Variants in UPRT observed in about 807,000 individuals in gnomAD.
UPRT encodes the protein RP11-311P8.3.
A neutral mutation model predicts 22.6 loss-of-function variants in UPRT; 5 were observed. The observed-to-expected ratio is 0.22, with a 90% CI of 0.12 to 0.47. UPRT has a LOEUF of 0.47. UPRT is among the 20% of genes least tolerant of loss of function. The pLI, the probability that UPRT is intolerant of heterozygous loss-of-function variation, is 0.99. For synonymous variants in UPRT, 77 were observed against 87.7 expected (o/e 0.88, Z 0.68); for missense variants, 181 against 239.9 (o/e 0.75, Z 1.62).
intron 4 of UPRT, among the ~76,000 whole-genome samples, chrX:75,242,335 A>T (rs997667066): frequency 3.6e-5 from 4 of 111,159 alleles, no homozygotes; most frequent in African/African-American, 1.3e-4. Flanking sequence ...AGCTTAGTGC[A>T]AAAAGATACT....
intron 1 of UPRT, among the ~76,000 whole-genome samples, chrX:75,285,790 G>A (rs1206674734): frequency 9.1e-6 from 1 of 110,034 alleles, no homozygotes; most frequent in Non-Finnish European, 1.9e-5. Context: ...TTAAGAAGGC[G>A]CTAAAGTGCT....
intron 4 of UPRT, among the ~76,000 whole-genome samples, chrX:75,196,254 C>A (rs1364712196): frequency 8.9e-6 from 1 of 112,268 alleles, no homozygotes; most frequent in Non-Finnish European, 1.9e-5. Context: ...CAGCTTTGAA[C>A]TCCTGGGCTC....
chrX:75,232,385 G>A (rs1425085297), intron 4 of UPRT, among the ~76,000 whole-genome samples: 1 of 112,657 alleles, frequency 8.9e-6, no homozygotes, highest in Non-Finnish European at 1.9e-5. Flanking sequence ...CATTGCCCAG[G>A]CTTGCTTAGG....
upstream of UPRT, among the ~76,000 whole-genome samples, chrX:75,272,434 G>A (rs6647678): frequency 0.12 from 12,727 of 102,929 alleles, 1,519 homozygotes; most frequent in East Asian, 0.9. Flanking sequence ...CTTTTGCAGC[G>A]ACCTGGATGA....
intron 6 of UPRT, 78 bp from the exon 7 acceptor site, chrX:75,303,327 G>T: frequency 2.8e-6 from 2 of 714,491 alleles, no homozygotes; most frequent in South Asian, 4.8e-5. Context: ...TAGACCTAGT[G>T]GCAATAACTA....
At chrX:75,187,523 G>A (rs897396347) in intron 4 of UPRT, among the ~76,000 whole-genome samples, 16 of 111,256 alleles carry the variant, frequency 1.4e-4, no homozygotes, top group East Asian at 2.8e-4. Context: ...TTCTCGAGGA[G>A]TATCTTTGTG....
At chrX:75,293,625 T>A in intron 2 of UPRT, 111 bp downstream of exon 2, 1 of 757,285 alleles carries the variant, frequency 1.3e-6, no homozygotes, top group Non-Finnish European at 1.9e-6. Flanking sequence ...GAGATTGTAC[T>A]AAGTAACCAT....
chrX:75,202,969 G>A (rs923016180), intron 4 of UPRT, among the ~76,000 whole-genome samples: 1 of 111,557 alleles, frequency 9.0e-6, no homozygotes, highest in Non-Finnish European at 1.9e-5. Flanking sequence ...AAATGTAAAT[G>A]GACTGAATGC....
chrX:75,227,812 A>G (rs1223290729), intron 4 of UPRT, among the ~76,000 whole-genome samples: 1 of 112,763 alleles, frequency 8.9e-6, no homozygotes, highest in East Asian at 2.8e-4. Flanking sequence ...TTCTAACTTC[A>G]TTTTAACAAA....
Position 75,283,688 on chromosome X carries a change from A to G in UPRT, c.386+9048A>G, listed in dbSNP as rs1316042914. Among the ~76,000 whole-genome samples the G allele has an allele frequency of 2.7e-5, 3 of 111,436 alleles. No individual in the cohort carries two copies. The East Asian group carries it at 8.4e-4, about 31-fold the overall frequency. ...TCTGCTGTTAATCTGATAGGTTTTC[A>G]TAGGTTATCTGGTGTTTTTGTCTCA... On this transcript the variant is annotated intron_variant, in intron 1 of 6. Coordinates refer to ENST00000373383, the MANE Select transcript of UPRT (RefSeq NM_145052.4).
chrX:75,202,105 AC>A (rs751881659), intron 4 of UPRT, among the ~76,000 whole-genome samples: 1 of 112,004 alleles, frequency 8.9e-6, no homozygotes, highest in South Asian at 3.7e-4. Context: ...TAAAATTAAA[AC>A]TTTTATTTTC....
chrX:75,165,347 A>G (rs774802517), intron 3 of UPRT, among the ~76,000 whole-genome samples: 170 of 111,933 alleles, frequency 1.5e-3, no homozygotes, highest in Non-Finnish European at 2.7e-3. Flanking sequence ...TTTTCCCCTT[A>G]TCTGATCCTT....
chrX:75,282,487 A>G (rs772902783), intron 1 of UPRT, among the ~76,000 whole-genome samples: 2 of 111,041 alleles, frequency 1.8e-5, no homozygotes, highest in African/African-American at 6.5e-5. Context: ...TGTGTCATTC[A>G]GTTTGAAGAA....
chrX:75,185,010 G>A (rs1486703637), intron 4 of UPRT, among the ~76,000 whole-genome samples: 2 of 110,842 alleles, frequency 1.8e-5, no homozygotes, highest in African/African-American at 3.3e-5. Flanking sequence ...AATACCCTTT[G>A]TTTCCTTCTC....
intron 1 of UPRT, chrX:75,291,483 C>A: frequency 3.3e-6 from 1 of 304,829 alleles, no homozygotes. Context: ...ATTAAAACAT[C>A]CCTGTTAACA....
intron 4 of UPRT, among the ~76,000 whole-genome samples, chrX:75,267,438 A>C (rs758328040): frequency 4.3e-4 from 48 of 111,745 alleles, no homozygotes; most frequent in Non-Finnish European, 8.5e-4. Flanking sequence ...GGGTGTGTGA[A>C]GGTGGGAGGG....
intron 4 of UPRT, among the ~76,000 whole-genome samples, chrX:75,256,016 T>C (rs756457930): frequency 9.0e-6 from 1 of 111,592 alleles, no homozygotes. Flanking sequence ...CAAATTGACT[T>C]AACAGATATA....
At chrX:75,294,533 T>TG in intron 2 of UPRT, 1 of 952,918 alleles carries the variant, frequency 1.0e-6, no homozygotes, top group South Asian at 2.2e-5. Context: ...AAAAGGAATG[T>TG]GAAAAAAAGG....
intron 4 of UPRT, among the ~76,000 whole-genome samples, chrX:75,262,427 A>G (rs189898417): frequency 1.8e-5 from 2 of 111,835 alleles, no homozygotes; most frequent in African/African-American, 6.5e-5. Context: ...AAATTTACAC[A>G]TGATGATATT....
Sources: gnomAD v4.1 joint callset for allele counts (sites outside exome capture counted in the v4.1 genomes callset) on GRCh38, gnomAD v4.1.1 for gene constraint, MANE v1.5 for transcripts, NCBI Gene and HGNC (gene_info 2026-07-23, HGNC 2026-07-21) for gene names.